Variants in SMAD5 observed in about 807,000 individuals in gnomAD.
SMAD5 encodes the protein MAD, mothers against decapentaplegic homolog 5.
SMAD5 carries 9 observed loss-of-function variants against 43.1 expected under a neutral mutation model. The ratio of observed to expected loss-of-function variants is 0.21; its 90% CI spans 0.13 to 0.36. The LOEUF (loss-of-function observed/expected upper bound fraction) is 0.36, where lower values mean the gene tolerates loss of function less well. Ranked by LOEUF, SMAD5 falls within the 10% of genes least tolerant of loss-of-function variation. The pLI is 1.00. For missense variants in SMAD5, 348 were observed against 574.0 expected, an observed-to-expected ratio of 0.61 and a Z score of 4.02; for synonymous variants, 190 against 192.4, an observed-to-expected ratio of 0.99 and a Z score of 0.10.
chr5:136,159,985 G>GT (rs1753772585), intron 3 of SMAD5, among the ~76,000 whole-genome samples: 1 of 152,192 alleles, frequency 6.6e-6, no homozygotes, highest in African/African-American at 2.4e-5. Context: ...AATGAGATGA[G>GT]TTGTAAATGT....
chr5:136,144,021 A>C (rs1174629854), intron 1 of SMAD5, among the ~76,000 whole-genome samples: 1 of 152,070 alleles, frequency 6.6e-6, no homozygotes, highest in Non-Finnish European at 1.5e-5. Context: ...GAGGTATACT[A>C]TGAAAGGCCA....
intron 5 of SMAD5, among the ~76,000 whole-genome samples, chr5:136,170,545 T>C (rs1188493585): frequency 6.6e-6 from 1 of 152,200 alleles, no homozygotes; most frequent in Non-Finnish European, 1.5e-5. Context: ...TCTCCTTTGA[T>C]ATTGTGTTGG....
At chr5:136,174,124 A>G (rs1036029800) in intron 6 of SMAD5, among the ~76,000 whole-genome samples, 3 of 151,806 alleles carry the variant, frequency 2.0e-5, no homozygotes, top group Non-Finnish European at 4.4e-5. Context: ...GATTGTTGGG[A>G]AAGGAAAAAG....
chr5:136,178,119 C>G lies in SMAD5; in HGVS notation c.*639C>G, dbSNP rs1207265927. Reference sequence around the variant, plus strand: ...AGTGTTCTTCAGTGTAATGTGACTTCATGCTATATATCTTTTGTAAGACAT... The same window carrying G: ...AGTGTTCTTCAGTGTAATGTGACTTGATGCTATATATCTTTTGTAAGACAT... On this transcript the variant is annotated 3_prime_UTR_variant, in exon 8 of 8. Coordinates refer to ENST00000545279, the MANE Select transcript of SMAD5 (RefSeq NM_005903.7). The G allele has an allele frequency of 6.6e-6, 1 of 152,598 alleles. No individual in the cohort carries two copies. The highest frequency in any genetic ancestry group is 1.9e-4 in the East Asian group (1 of 5,204). 9.5% of individuals were successfully genotyped at this position (152,598 alleles called of 1,614,324 possible).
At chr5:136,169,637 A>G (rs1754144609) in intron 5 of SMAD5, among the ~76,000 whole-genome samples, 1 of 152,238 alleles carries the variant, frequency 6.6e-6, no homozygotes, top group Non-Finnish European at 1.5e-5. Flanking sequence ...CATTTGAATA[A>G]GAAGCATGAT....
chr5:136,160,171 T>C (rs928294314), intron 3 of SMAD5, among the ~76,000 whole-genome samples: 1 of 152,228 alleles, frequency 6.6e-6, no homozygotes, highest in African/African-American at 2.4e-5. Flanking sequence ...TGGTCATATT[T>C]AGAAGACTGA....
chr5:136,157,012 AATAAAGT>A (rs1023435868), intron 3 of SMAD5, among the ~76,000 whole-genome samples: 17 of 152,304 alleles, frequency 1.1e-4, no homozygotes, highest in African/African-American at 4.1e-4. Flanking sequence ...TACCAGTATT[AATAAAGT>A]AGTAGAAGGT....
rs1188596995 is a variant in SMAD5 at position 136,136,723 on chromosome 5, GTC to G, written c.-245+3769_-245+3770del. Among the ~76,000 whole-genome samples the G allele has an allele frequency of 2.6e-5, 4 of 152,084 alleles. No homozygotes were observed. In the South Asian group the frequency reaches 6.2e-4, roughly 24 times the overall value. ...AGTTCTGGGCTATTTATTTGAGAGT[GTC>G]TCTCTCTGTCGCCCAGGCTGGGGTT... On this transcript the variant is annotated intron_variant, in intron 1 of 7. Transcript: ENST00000545279.
chr5:136,155,729 CA>C (rs748493635), intron 3 of SMAD5, among the ~76,000 whole-genome samples: 3 of 152,168 alleles, frequency 2.0e-5, no homozygotes, highest in Non-Finnish European at 4.4e-5. Flanking sequence ...AGTCCTTGCT[CA>C]AATATCCGCA....
chr5:136,165,511 T>C (rs1020956822), intron 5 of SMAD5, among the ~76,000 whole-genome samples: 3 of 152,114 alleles, frequency 2.0e-5, no homozygotes, highest in Non-Finnish European at 2.9e-5. Context: ...TCCATTTCTA[T>C]AGCTCTTTTC....
At chr5:136,154,653 A>G (rs756785780) in intron 3 of SMAD5, among the ~76,000 whole-genome samples, 4 of 152,090 alleles carry the variant, frequency 2.6e-5, no homozygotes, top group African/African-American at 4.8e-5. Context: ...CCCAACCCCA[A>G]TCACTGCACT....
intron 1 of SMAD5, chr5:136,133,835 A>T (rs748763154): frequency 6.5e-6 from 1 of 154,780 alleles, no homozygotes; most frequent in South Asian, 2.0e-4. Context: ...TAGCCAAAAC[A>T]GATTTTTGGT....
rs887045926 is a variant in SMAD5 at position 136,181,668 on chromosome 5, A to G, written c.*4188A>G. On this transcript the variant is annotated 3_prime_UTR_variant, in exon 8 of 8. Coordinates refer to ENST00000545279, the MANE Select transcript of SMAD5 (RefSeq NM_005903.7). ...TTCTTCTGCATAAACAAAGAATTCT[A>G]CCTGCTGGACAGAAACCTGGAAAGT... The G allele has an allele frequency of 3.3e-5, 5 of 152,194 alleles. No homozygotes were observed. The highest frequency in any genetic ancestry group is 4.8e-5 in the African/African-American group (2 of 41,464). The allele number at this position is 152,194 out of a possible 1,614,324, so 9.4% of individuals were successfully genotyped here. A position where few individuals can be genotyped will look rare whatever the true frequency, so the allele number is the denominator to read the frequency against.
Position 136,154,609 on chromosome 5 carries a change from A to C in SMAD5, c.403+446A>C, listed in dbSNP as rs1251111260. Among the ~76,000 whole-genome samples, 6 of 152,156 alleles carry C rather than the reference A, an allele frequency of 3.9e-5. No individual in the cohort carries two copies. The East Asian group carries it at 1.2e-3, about 29-fold the overall frequency. On this transcript the variant is annotated intron_variant, in intron 3 of 7. Coordinates refer to ENST00000545279, the MANE Select transcript of SMAD5 (RefSeq NM_005903.7). ...ACTACCCATCCTAAAATAAAACTTA[A>C]AAAAAAATTCTGCTTTTCACTTCAT... is the stretch of plus-strand genomic sequence containing the variant.
At position 136,153,945 on chromosome 5, in the gene SMAD5, C is replaced by T. The variant is rs767212920; in HGVS notation, c.185C>T (p.Pro62Leu). 4.3e-6 allele frequency: 7 copies of T among 1,612,102 alleles called. No homozygotes were observed. In the African/African-American group the frequency reaches 5.4e-5, roughly 12 times the overall value. ...LEKALSSPGQPSKCVTIPRSL... is the reference protein window; with the variant it reads ...LEKALSSPGQLSKCVTIPRSL... ...AAAGCCTTGAGCAGTCCAGGACAGC[C>T]GAGTAAATGTGTCACTATTCCCAGA... Residue 62 changes from proline to leucine, a missense_variant, in exon 3 of 8, where the codon CCG becomes CTG. This residue lies in a region of SMAD5 where 39 missense variants were observed against 78.5 expected (regional missense o/e 0.50). Transcript: ENST00000545279.
In SMAD5 at chr5:136,177,414, T is replaced by C. The variant is rs1055124351; in HGVS notation, c.1332T>C (p.Leu444=). The change falls in exon 8 of 8, where the codon CTT becomes CTC. Residue 444 remains leucine (L), a synonymous_variant. Coordinates refer to ENST00000545279, the MANE Select transcript of SMAD5 (RefSeq NM_005903.7). ...CWIEIHLHGP[L]QWLDKVLTQM... Reference sequence around the variant, plus strand: ...TTGAGATTCATCTTCATGGGCCTCTTCAGTGGCTGGATAAAGTCCTTACTC... The same window carrying C: ...TTGAGATTCATCTTCATGGGCCTCTCCAGTGGCTGGATAAAGTCCTTACTC... The C allele has an allele frequency of 1.1e-5, 17 of 1,612,508 alleles. No homozygotes were observed. The highest frequency in any genetic ancestry group is 1.4e-5 in the Non-Finnish European group (17 of 1,178,810).
intron 3 of SMAD5, among the ~76,000 whole-genome samples, chr5:136,155,009 AT>A (rs1419188497): frequency 2.0e-5 from 3 of 152,038 alleles, no homozygotes; most frequent in African/African-American, 7.2e-5. Flanking sequence ...CCTTTTCTCC[AT>A]TTATATTATT....
intron 1 of SMAD5, chr5:136,134,167 C>G (rs995639009): frequency 1.3e-5 from 2 of 151,936 alleles, no homozygotes; most frequent in African/African-American, 4.9e-5. Flanking sequence ...CTAGGTTTGT[C>G]ACATCATGCC....
In SMAD5 at chr5:136,180,784, A is replaced by G. The variant is rs1267357665; in HGVS notation, c.*3304A>G. 1 of 152,140 alleles carries G rather than the reference A, an allele frequency of 6.6e-6. No homozygotes were observed. Among genetic ancestry groups the G allele is most frequent in the Non-Finnish European group, 1.5e-5 (1 of 67,980 alleles). 9.4% of individuals were successfully genotyped at this position (152,140 alleles called of 1,614,324 possible). On this transcript the variant is annotated 3_prime_UTR_variant, in exon 8 of 8. Transcript: ENST00000545279. ...GAGTAAGAGTACTAGACAGTTCAAC[A>G]AGCCACATCTAATGGCACAGATAGA...
Sources: allele counts gnomAD v4.1 joint callset (sites outside exome capture counted in the v4.1 genomes callset), GRCh38; gene constraint gnomAD v4.1.1; regional missense constraint gnomAD v4.1.1; transcripts MANE v1.5; gene names NCBI Gene and HGNC (gene_info 2026-07-23, HGNC 2026-07-21).